Variants in KSR2 observed in about 807,000 individuals in gnomAD.
KSR2 encodes kinase suppressor of ras 2.
In KSR2, 25 loss-of-function variants were observed where a neutral mutation model predicts 107.8. That is an observed-to-expected ratio of 0.23 (90% CI 0.17 to 0.32). The LOEUF (loss-of-function observed/expected upper bound fraction) is 0.32. KSR2 is among the 10% of genes least tolerant of loss of function. KSR2 has a pLI of 1.00. For missense variants in KSR2, 887 were observed against 1,268.9 expected (o/e 0.70, Z 4.57); for synonymous variants, 480 against 507.0 (o/e 0.95, Z 0.71).
rs1015150297 is a variant in KSR2 at position 117,475,018 on chromosome 12, T to C, written c.2582+1446A>G. On this transcript the variant is annotated intron_variant, in intron 17 of 19. Coordinates refer to ENST00000339824, the MANE Select transcript of KSR2 (RefSeq NM_173598.6). ...CAAGCTCTATTGCTTCCACCTCCTC[T>C]GGGTGCTGCTGATGTCCATTCTCAG... Among the ~76,000 whole-genome samples, 115 of 152,136 alleles carry C rather than the reference T, an allele frequency of 7.6e-4. 2 individuals are homozygous for C. Among genetic ancestry groups the C allele is most frequent in the Non-Finnish European group, 1.9e-4 (13 of 68,022 alleles).
chr12:117,944,843 G>A lies in KSR2; in HGVS notation c.180+23233C>T, dbSNP rs576871799. Among the ~76,000 whole-genome samples, 10 of 152,184 alleles carry A rather than the reference G, an allele frequency of 6.6e-5. No individual in the cohort carries two copies. In the East Asian group the frequency reaches 1.7e-3, roughly 26 times the overall value. On this transcript the variant is annotated intron_variant, in intron 1 of 19. Coordinates refer to ENST00000339824, the MANE Select transcript of KSR2 (RefSeq NM_173598.6). ...ATCGCACTCCAGCCTGGGCAACAGA[G>A]TGAGACCCTGTTTCAAAAAATAAAT...
intron 14 of KSR2, among the ~76,000 whole-genome samples, chr12:117,498,722 C>T (rs1003997634): frequency 6.6e-6 from 1 of 152,082 alleles, no homozygotes; most frequent in Non-Finnish European, 1.5e-5. Context: ...CAGGCCTTTC[C>T]TGTGCCATTC....
chr12:117,893,797 G>T (rs1405174874), intron 1 of KSR2, among the ~76,000 whole-genome samples: 1 of 152,028 alleles, frequency 6.6e-6, no homozygotes, highest in Non-Finnish European at 1.5e-5. Context: ...CACTTTGGGT[G>T]CAAAATTTAA....
intron 4 of KSR2, among the ~76,000 whole-genome samples, chr12:117,735,521 C>A (rs1349229789): frequency 3.3e-5 from 5 of 152,074 alleles, no homozygotes; most frequent in Non-Finnish European, 7.4e-5. Context: ...CTTTTTTGTT[C>A]CTAGGGACCT....
intron 4 of KSR2, among the ~76,000 whole-genome samples, chr12:117,671,100 C>T (rs1489038769): frequency 6.6e-6 from 1 of 152,188 alleles, no homozygotes; most frequent in East Asian, 1.9e-4. Flanking sequence ...TTTGTATATG[C>T]TGTCTCCACC....
intron 1 of KSR2, among the ~76,000 whole-genome samples, chr12:117,871,844 A>AG (rs1675604663): frequency 6.6e-6 from 1 of 151,670 alleles, no homozygotes; most frequent in African/African-American, 2.4e-5. Context: ...TTTTTAAGAG[A>AG]GGGGGTCTTG....
chr12:117,785,678 G>A (rs1213685959), intron 3 of KSR2, among the ~76,000 whole-genome samples: 1 of 152,058 alleles, frequency 6.6e-6, no homozygotes, highest in Non-Finnish European at 1.5e-5. Context: ...TACTGGATGA[G>A]CTCAATATCA....
intron 5 of KSR2, among the ~76,000 whole-genome samples, chr12:117,589,056 A>G (rs1880169241): frequency 6.6e-6 from 1 of 152,226 alleles, no homozygotes; most frequent in Non-Finnish European, 1.5e-5. Context: ...AAAGTTCACC[A>G]AATATCATGA....
At chr12:117,559,485 C>T (rs928483954) in intron 7 of KSR2, among the ~76,000 whole-genome samples, 2 of 152,078 alleles carry the variant, frequency 1.3e-5, no homozygotes, top group African/African-American at 2.4e-5. Context: ...ATTATCATTC[C>T]CATTTCACAG....
chr12:117,492,375 A>G (rs998458900), intron 14 of KSR2, among the ~76,000 whole-genome samples: 2 of 152,234 alleles, frequency 1.3e-5, no homozygotes, highest in East Asian at 3.9e-4. Flanking sequence ...TGCCTGTGGC[A>G]GCCATGTCCT....
rs904374567 is a variant in KSR2, at chr12:117,457,511, G to C, written c.*9688C>G. The C allele has an allele frequency of 6.6e-6, 1 of 152,226 alleles. No individual in the cohort carries two copies. Among genetic ancestry groups the C allele is most frequent in the African/African-American group, 2.4e-5 (1 of 41,464 alleles). 9.4% of individuals were successfully genotyped at this position (152,226 alleles called of 1,614,324 possible). A position where few individuals can be genotyped will look rare whatever the true frequency, so the allele number is the denominator to read the frequency against. ...TGTGGAATATGGGACAGCTATGGGA[G>C]CTCATGGAGAACAGAGACTCCAAAC... On this transcript the variant is annotated 3_prime_UTR_variant, in exon 20 of 20. Coordinates refer to ENST00000339824, the MANE Select transcript of KSR2 (RefSeq NM_173598.6).
chr12:117,686,411 A>T (rs1478371140), intron 4 of KSR2, among the ~76,000 whole-genome samples: 2 of 151,786 alleles, frequency 1.3e-5, no homozygotes, highest in Non-Finnish European at 2.9e-5. Flanking sequence ...AGATGAAGAA[A>T]CAGAGGGTCA....
chr12:117,913,810 C>T (rs1380106291), intron 1 of KSR2, among the ~76,000 whole-genome samples: 2 of 152,058 alleles, frequency 1.3e-5, no homozygotes, highest in Non-Finnish European at 2.9e-5. Flanking sequence ...AGTACAGCAG[C>T]CCTAGGAAAT....
At chr12:117,800,205 G>A (rs1342777512) in intron 3 of KSR2, among the ~76,000 whole-genome samples, 1 of 152,132 alleles carries the variant, frequency 6.6e-6, no homozygotes, top group Non-Finnish European at 1.5e-5. Context: ...AAGCCGGAGG[G>A]GTCTGCTGGA....
At chr12:117,905,173 C>T (rs1308607318) in intron 1 of KSR2, among the ~76,000 whole-genome samples, 1 of 152,118 alleles carries the variant, frequency 6.6e-6, no homozygotes, top group Non-Finnish European at 1.5e-5. Flanking sequence ...CAGAGCGAGA[C>T]TCCATCTCAA....
chr12:117,915,628 G>A (rs189382953), intron 1 of KSR2, among the ~76,000 whole-genome samples: 12 of 152,082 alleles, frequency 7.9e-5, no homozygotes, highest in Non-Finnish European at 1.2e-4. Context: ...AGGAAATCCC[G>A]GGAAAACAGT....
At chr12:117,924,023 C>G (rs1436896875) in intron 1 of KSR2, among the ~76,000 whole-genome samples, 1 of 151,224 alleles carries the variant, frequency 6.6e-6, no homozygotes, top group African/African-American at 2.4e-5. Flanking sequence ...GGATTACAGG[C>G]ATGCGCCACC....
chr12:117,760,313 T>A (rs1355584009), intron 4 of KSR2, among the ~76,000 whole-genome samples: 1 of 152,204 alleles, frequency 6.6e-6, no homozygotes. Context: ...CTCTGTCAAT[T>A]TCCCCAACGT....
At chr12:117,478,450 G>A (rs915379568) in intron 16 of KSR2, among the ~76,000 whole-genome samples, 2 of 151,180 alleles carry the variant, frequency 1.3e-5, no homozygotes, top group Non-Finnish European at 2.9e-5. Flanking sequence ...TAGAGACAAG[G>A]TCTGCTGAGA....
Sources: allele counts gnomAD v4.1 joint callset (sites outside exome capture counted in the v4.1 genomes callset), GRCh38; gene constraint gnomAD v4.1.1; transcripts MANE v1.5; gene names NCBI Gene and HGNC (gene_info 2026-07-23, HGNC 2026-07-21).